PTPRD: variants seen among roughly 807,000 people sequenced by gnomAD.
PTPRD encodes protein tyrosine phosphatase receptor type D.
A neutral mutation model predicts 214.5 loss-of-function variants in PTPRD; 34 were observed. The observed-to-expected ratio is 0.16, with a 90% confidence interval of 0.12 to 0.21. PTPRD has a LOEUF of 0.21. PTPRD is among the 10% of genes least tolerant of loss of function. The probability of loss-of-function intolerance (pLI) is 1.00; values close to 1 mark genes in which losing one functional copy is unlikely to be tolerated. For synonymous variants in PTPRD, 1,128 were observed against 845.7 expected (o/e 1.33, Z -5.79); for missense variants, 2,545 against 2,398.7 (o/e 1.06, Z -1.27).
intron 8 of PTPRD, among the ~76,000 whole-genome samples, chr9:9,453,020 A>AT (rs34378799): frequency 0.096 from 13,939 of 144,824 alleles, 729 homozygotes; most frequent in African/African-American, 0.13. Context: ...AGCCTATTTT[A>AT]TTTTTTTTTT....
chr9:8,834,046 T>G (rs2154530605), intron 11 of PTPRD, among the ~76,000 whole-genome samples: 1 of 152,144 alleles, frequency 6.6e-6, no homozygotes, highest in South Asian at 2.1e-4. Context: ...GAAAGCACAA[T>G]AATGCCTAGT....
At chr9:9,598,236 C>G (rs981343745) in intron 7 of PTPRD, among the ~76,000 whole-genome samples, 5 of 152,150 alleles carry the variant, frequency 3.3e-5, no homozygotes, top group South Asian at 2.1e-4. Context: ...AAGGTGGACA[C>G]AGTCCCACAT....
At chr9:10,041,238 T>G (rs943153886) in intron 3 of PTPRD, among the ~76,000 whole-genome samples, 5 of 151,994 alleles carry the variant, frequency 3.3e-5, no homozygotes, top group African/African-American at 1.2e-4. Flanking sequence ...CATGTGTAGT[T>G]GTATATTGAG....
intron 11 of PTPRD, among the ~76,000 whole-genome samples, chr9:8,880,611 T>A (rs908210030): frequency 3.9e-5 from 6 of 152,212 alleles, no homozygotes; most frequent in African/African-American, 1.4e-4. Context: ...AGACCAGGTA[T>A]ACTGCACCTT....
intron 3 of PTPRD, among the ~76,000 whole-genome samples, chr9:10,097,099 C>T (rs992673082): frequency 1.1e-4 from 16 of 149,784 alleles, no homozygotes; most frequent in African/African-American, 3.9e-4. Context: ...TGATCTATAT[C>T]TCTGTTTTGG....
intron 35 of PTPRD, among the ~76,000 whole-genome samples, chr9:8,408,421 C>T (rs922555988): frequency 5.3e-5 from 8 of 152,230 alleles, no homozygotes; most frequent in East Asian, 1.9e-4. Flanking sequence ...CCATGGGATA[C>T]CCTTGCCTTC....
intron 2 of PTPRD, among the ~76,000 whole-genome samples, chr9:10,546,979 T>G (rs542710690): frequency 1.3e-5 from 2 of 152,220 alleles, no homozygotes; most frequent in East Asian, 3.9e-4. Flanking sequence ...GAGGGACCAC[T>G]AAAGCTGTTA....
intron 8 of PTPRD, chr9:9,442,024 T>C (rs1342358340): frequency 1.3e-5 from 2 of 152,200 alleles, no homozygotes; most frequent in African/African-American, 4.8e-5. Context: ...AAAACAAAAA[T>C]CTGTATGTTC....
chr9:9,100,652 T>C (rs945764926), intron 10 of PTPRD, among the ~76,000 whole-genome samples: 41 of 152,262 alleles, frequency 2.7e-4, no homozygotes, highest in African/African-American at 9.6e-4. Flanking sequence ...TAAGCATCTT[T>C]ATAGGTAAAA....
chr9:8,449,745 C>T lies in PTPRD; in HGVS notation c.3968G>A (p.Arg1323His), dbSNP rs1172700321. Residue 1323 changes from arginine to histidine, a missense_variant, in exon 34 of 46, where the codon CGC (arginine) becomes CAC (histidine). Coordinates refer to ENST00000381196, the MANE Select transcript of PTPRD (RefSeq NM_002839.4). ...CTTACCCGGTGTTTGAAAGTTAAGG[C>T]GCCTCAGTTCTACAGGGTCTGTTGG... ...HHPTDPVELR[R>H]LNFQTPGMAS... The T allele has an allele frequency of 3.7e-6, 6 of 1,613,728 alleles. No individual in the cohort carries two copies. The highest frequency in any genetic ancestry group is 1.3e-5 in the African/African-American group (1 of 74,882).
chr9:9,511,222 C>A (rs1337122802), intron 8 of PTPRD, among the ~76,000 whole-genome samples: 2 of 151,654 alleles, frequency 1.3e-5, no homozygotes, highest in Non-Finnish European at 2.9e-5. Flanking sequence ...TAAATGGAGA[C>A]ATTTTATAAA....
At chr9:10,076,246 T>A (rs774537850) in intron 3 of PTPRD, among the ~76,000 whole-genome samples, 1 of 152,104 alleles carries the variant, frequency 6.6e-6, no homozygotes, top group African/African-American at 2.4e-5. Context: ...TACTTCCACG[T>A]ACATGCTGCA....
At chr9:9,885,382 C>T (rs2070457941) in intron 5 of PTPRD, among the ~76,000 whole-genome samples, 1 of 151,988 alleles carries the variant, frequency 6.6e-6, no homozygotes, top group Non-Finnish European at 1.5e-5. Flanking sequence ...TTAACCTACA[C>T]AAAAGTTCCA....
At chr9:8,340,802 C>G (rs932121987) in intron 41 of PTPRD, among the ~76,000 whole-genome samples, 1 of 152,100 alleles carries the variant, frequency 6.6e-6, no homozygotes, top group Admixed American at 6.6e-5. Context: ...ATTATTCTCA[C>G]ACAATCTATT....
At position 8,485,939 on chromosome 9, in the gene PTPRD, C is replaced by T. The variant is rs1381492310; in HGVS notation, c.2878G>A (p.Asp960Asn). 2 of 1,614,028 alleles carry T rather than the reference C, an allele frequency of 1.2e-6. No individual in the cohort carries two copies. Among genetic ancestry groups the T allele is most frequent in the African/African-American group, 2.7e-5 (2 of 74,910 alleles). ...IITKYTLLYR[D>N]INIPLLPMEQ... ...ATCGGGAGAAGGGGGATGTTGATAT[C>T]CCTATAAAGAAGGGTATACTTGGTG... The change falls in exon 28 of 46, where the codon GAT (aspartate) becomes AAT (asparagine). Residue 960 changes from aspartate (D) to asparagine (N), a missense_variant. Coordinates refer to ENST00000381196, the MANE Select transcript of PTPRD (RefSeq NM_002839.4).
intron 10 of PTPRD, among the ~76,000 whole-genome samples, chr9:9,149,225 T>C (rs1336255985): frequency 6.6e-6 from 1 of 152,226 alleles, no homozygotes; most frequent in Non-Finnish European, 1.5e-5. Context: ...CTCGTAGCCT[T>C]ACTGCAAGGA....
At chr9:10,112,999 C>T (rs980395926) in intron 3 of PTPRD, among the ~76,000 whole-genome samples, 2 of 152,214 alleles carry the variant, frequency 1.3e-5, no homozygotes, top group Non-Finnish European at 2.9e-5. Flanking sequence ...TGCCCAGACA[C>T]AGGAAGGCTT....
rs1194486983 is a variant in PTPRD at position 8,792,570 on chromosome 9, C to CA, written c.-103-58625dup. Among the ~76,000 whole-genome samples, 11 of 152,300 alleles carry CA rather than the reference C, an allele frequency of 7.2e-5. No homozygotes were observed. In the East Asian group the frequency reaches 2.1e-3, roughly 29 times the overall value. ...AGCTTTTGGACTACTGACTTAAATT[C>CA]ATTTGATTTTACTCAAATCTGCCCC... is the stretch of plus-strand genomic sequence containing the variant. On this transcript the variant is annotated intron_variant, in intron 11 of 45. Coordinates refer to ENST00000381196, the MANE Select transcript of PTPRD (RefSeq NM_002839.4).
intron 10 of PTPRD, among the ~76,000 whole-genome samples, chr9:9,124,743 T>C (rs138092752): frequency 1.3e-3 from 199 of 152,308 alleles, no homozygotes; most frequent in African/African-American, 3.8e-3. Flanking sequence ...CCTTGTTGCA[T>C]TGTTTGCCAG....
Sources: gnomAD v4.1 joint callset for allele counts (sites outside exome capture counted in the v4.1 genomes callset) on GRCh38, gnomAD v4.1.1 for gene constraint, MANE v1.5 for transcripts, NCBI Gene and HGNC (gene_info 2026-07-23, HGNC 2026-07-21) for gene names.